RLF: variants seen among roughly 807,000 people sequenced by gnomAD.
The protein encoded by RLF is zinc finger protein Rlf.
Under a neutral mutation model 162.9 loss-of-function variants are expected in RLF, and 7 were observed. The observed-to-expected ratio is 0.04, with a 90% CI of 0.02 to 0.08. The LOEUF is 0.08. RLF is among the 10% of genes least tolerant of loss of function. The pLI is 1.00. For synonymous variants in RLF, 782 were observed against 791.5 expected, an observed-to-expected ratio of 0.99 and a Z score of 0.20; for missense variants, 1,664 against 2,244.7, an observed-to-expected ratio of 0.74 and a Z score of 5.23.
rs542624372 is a variant in RLF, at chr1:40,199,012, C to T, written c.607+3248C>T. ...ATAATTATTGAATAAAATAGCTTAC[C>T]GCATAGAAATAATAGCTATGATTTT... On this transcript the variant is annotated intron_variant, in intron 4 of 7. Transcript: ENST00000372771. Among the ~76,000 whole-genome samples, 20 of 152,192 alleles carry T rather than the reference C, an allele frequency of 1.3e-4. No homozygotes were observed. The South Asian group carries it at 3.7e-3, about 28-fold the overall frequency.
chr1:40,227,702 T>C (rs1209268352), intron 6 of RLF, among the ~76,000 whole-genome samples: 1 of 152,184 alleles, frequency 6.6e-6, no homozygotes, highest in Non-Finnish European at 1.5e-5. Context: ...TCTGACTTAC[T>C]GTTTTAAAAA....
intron 5 of RLF, among the ~76,000 whole-genome samples, chr1:40,214,046 A>G (rs960795062): frequency 1.3e-5 from 2 of 152,228 alleles, no homozygotes; most frequent in Non-Finnish European, 2.9e-5. Flanking sequence ...TGTTTTCTGC[A>G]GTGGCCAAGG....
At chr1:40,172,833 T>C (rs1001291146) in intron 1 of RLF, among the ~76,000 whole-genome samples, 1 of 152,134 alleles carries the variant, frequency 6.6e-6, no homozygotes, top group African/African-American at 2.4e-5. Flanking sequence ...TACTCTATCC[T>C]GGGCAACAGA....
chr1:40,238,352 C>G lies in RLF; in HGVS notation c.3650C>G (p.Pro1217Arg). ...AATGAAAAGTGTGATCATGAAGGCC[C>G]ATGTTCAGTAGATAGGTTGAAAGGT... ...LDNEKCDHEG[P>R]CSVDRLKGDC... is the part of the protein sequence containing the mutation. Residue 1217 changes from proline to arginine, a missense_variant, in exon 8 of 8, where the codon CCA becomes CGA. By Grantham distance (103) the Pro-to-Arg change is moderately radical (BLOSUM62 -2). Coordinates refer to ENST00000372771, the MANE Select transcript of RLF (RefSeq NM_012421.4). This position sits in a 1 kb window ranked among gnomAD's most constrained non-coding sequence, Gnocchi z 5.2. 1.2e-6 allele frequency: 2 copies of G among 1,614,074 alleles called. No homozygotes were observed. Among genetic ancestry groups the G allele is most frequent in the Non-Finnish European group, 1.7e-6 (2 of 1,180,008 alleles).
chr1:40,209,843 A>T (rs903081383), intron 5 of RLF, among the ~76,000 whole-genome samples: 1 of 150,550 alleles, frequency 6.6e-6, no homozygotes, highest in Non-Finnish European at 1.5e-5. Flanking sequence ...TGCCATTTGC[A>T]CTCGAGCTGG....
chr1:40,175,794 A>G (rs936640501), intron 1 of RLF, among the ~76,000 whole-genome samples: 45 of 150,496 alleles, frequency 3.0e-4, no homozygotes, highest in Admixed American at 5.3e-4. Context: ...CAAAAAAAAA[A>G]AAAAAAAAGT....
chr1:40,162,893 G>A (rs61780413), intron 1 of RLF, among the ~76,000 whole-genome samples: 7,933 of 152,198 alleles, frequency 0.052, 607 homozygotes, highest in African/African-American at 0.17. Context: ...TTATTTTACA[G>A]ATTTTTACTG....
chr1:40,174,593 AT>A (rs1417631205), intron 1 of RLF, among the ~76,000 whole-genome samples: 1 of 152,164 alleles, frequency 6.6e-6, no homozygotes, highest in Non-Finnish European at 1.5e-5. Context: ...TGTCTTGTCT[AT>A]TCTTATCAAA....
At chr1:40,209,204 A>C (rs1267698831) in intron 5 of RLF, among the ~76,000 whole-genome samples, 1 of 152,202 alleles carries the variant, frequency 6.6e-6, no homozygotes, top group Non-Finnish European at 1.5e-5. Flanking sequence ...TATGTTTTTC[A>C]CAAGACATCT....
intron 6 of RLF, among the ~76,000 whole-genome samples, chr1:40,224,623 CTTTTTTTTTTTTTTTTTT>C (rs1168908018): frequency 9.0e-5 from 3 of 33,262 alleles, no homozygotes; most frequent in South Asian, 2.1e-3. Flanking sequence ...TTTTTGAAAG[CTTTTTTTTTTTTTTTTTT>C]TTTTTTTTTT....
chr1:40,237,526 T>C lies in RLF; in HGVS notation c.2824T>C (p.Cys942Arg). 3 of 1,614,010 alleles carry C rather than the reference T, an allele frequency of 1.9e-6. No individual in the cohort carries two copies. The highest frequency in any genetic ancestry group is 2.5e-6 in the Non-Finnish European group (3 of 1,179,986). The change falls in exon 8 of 8, where the codon TGT (cysteine) becomes CGT (arginine). Residue 942 changes from cysteine to arginine, a missense_variant. This residue lies in a region of RLF where 295 missense variants were observed against 317.4 expected (regional missense o/e 0.93). Coordinates refer to ENST00000372771, the MANE Select transcript of RLF (RefSeq NM_012421.4). This position sits in a 1 kb window ranked among gnomAD's most constrained non-coding sequence, Gnocchi z 4.4. ...TGGGCCCTCCAGTTTAAAAGAAAAA[T>C]GTTCCAGTATGGCAGTTTGTTTTGA... The part of the protein sequence containing the change: ...VFGPSSLKEK[C>R]SSMAVCFDGT...
chr1:40,207,893 A>G (rs961571975), intron 5 of RLF, among the ~76,000 whole-genome samples: 3 of 152,190 alleles, frequency 2.0e-5, no homozygotes, highest in Non-Finnish European at 4.4e-5. Flanking sequence ...TTATAGGCGT[A>G]AGCCACCACG....
rs186772432 is a variant in RLF, at chr1:40,219,975, G to A, written c.811-2599G>A. 6.1e-4 allele frequency among the ~76,000 whole-genome samples: 93 copies of A among 152,244 alleles called. 1 individual carries two copies. In the East Asian group the frequency reaches 0.014, roughly 23 times the overall value. On this transcript the variant is annotated intron_variant, in intron 5 of 7. Coordinates refer to ENST00000372771, the MANE Select transcript of RLF (RefSeq NM_012421.4). The stretch of plus-strand genomic sequence containing the variant: ...AAAAACAGAAGTACTGGCCAGGTGC[G>A]GTGGCTCACGCCTGTAATCCCAGCA...
At chr1:40,222,355 G>GT (rs1210034159) in intron 5 of RLF, among the ~76,000 whole-genome samples, 1 of 152,172 alleles carries the variant, frequency 6.6e-6, no homozygotes, top group African/African-American at 2.4e-5. Context: ...CTGCAAAAAT[G>GT]TTTTTATCTG....
Position 40,236,579 on chromosome 1 carries a change from A to G in RLF, c.1877A>G (p.Lys626Arg), listed in dbSNP as rs751864610. ...AAATTACTGTTAAAAGGCTCTCAAA[A>G]GGGTATTTGTCCTAAGAGCCCCTCT... ...KKKLLLKGSQ[K>R]GICPKSPSAI... Residue 626 changes from lysine (K) to arginine (R), a missense_variant, in exon 8 of 8, where the codon AAG becomes AGG. Physicochemically the swap from Lys to Arg is conservative, Grantham distance 26 (BLOSUM62 2). Around this residue, in one of 15 missense-constraint regions of RLF, gnomAD observed 50 missense variants for 46.7 expected, o/e 1.07. Transcript: ENST00000372771. This position sits in a 1 kb window ranked among gnomAD's most constrained non-coding sequence, Gnocchi z 7.7. 1 of 1,614,184 alleles carries G rather than the reference A, an allele frequency of 6.2e-7. No individual in the cohort carries two copies.
chr1:40,209,590 C>T (rs145319911), intron 5 of RLF, among the ~76,000 whole-genome samples: 1 of 152,104 alleles, frequency 6.6e-6, no homozygotes, highest in Non-Finnish European at 1.5e-5. Flanking sequence ...TAAAAGCAGT[C>T]ATATGGGCTG....
chr1:40,199,365 A>G (rs1307647381), intron 4 of RLF, among the ~76,000 whole-genome samples: 3 of 152,244 alleles, frequency 2.0e-5, no homozygotes, highest in Non-Finnish European at 2.9e-5. Flanking sequence ...AGTAAGTACT[A>G]TTAAACATTT....
intron 5 of RLF, among the ~76,000 whole-genome samples, chr1:40,208,379 T>C (rs910831222): frequency 3.3e-5 from 5 of 152,224 alleles, no homozygotes; most frequent in Admixed American, 1.3e-4. Context: ...AATCAAAGGA[T>C]AAAATGCTTT....
At position 40,195,706 on chromosome 1, in the gene RLF, G is replaced by C. The variant is rs778563538; in HGVS notation, c.549G>C (p.Val183=). 6.2e-7 allele frequency: 1 copy of C among 1,613,574 alleles called. No homozygotes were observed. Among genetic ancestry groups the C allele is most frequent in the Non-Finnish European group, 8.5e-7 (1 of 1,179,776 alleles). ...QILVHVTKEG[V]WKNPVLLKIL... ...TGGTTCATGTTACCAAGGAAGGGGT[G>C]TGGAAAAACCCAGTTCTTCTTAAAA... Residue 183 remains valine, a synonymous_variant, in exon 4 of 8, where the codon GTG becomes GTC. Transcript: ENST00000372771.
Sources: gnomAD v4.1 joint callset for allele counts (sites outside exome capture counted in the v4.1 genomes callset) on GRCh38, gnomAD v4.1.1 for gene constraint, gnomAD v4.1.1 regional missense constraint, Gnocchi (gnomAD v3.1) non-coding constraint, MANE v1.5 for transcripts, NCBI Gene and HGNC (gene_info 2026-07-23, HGNC 2026-07-21) for gene names.